Variants in NFIA observed in about 807,000 individuals in gnomAD.
NFIA encodes the protein nuclear factor 1 A-type.
A neutral mutation model predicts 62.8 loss-of-function variants in NFIA; 8 were observed. The observed-to-expected ratio is 0.13, with a 90% confidence interval of 0.07 to 0.23. The LOEUF (loss-of-function observed/expected upper bound fraction) is 0.23. NFIA is among the 10% of genes least tolerant of loss of function. NFIA has a pLI of 1.00. For missense variants in NFIA, 410 were observed against 642.1 expected, an observed-to-expected ratio of 0.64 and a Z score of 3.91; for synonymous variants, 235 against 238.1, an observed-to-expected ratio of 0.99 and a Z score of 0.12.
At chr1:61,282,696 C>A (rs1422301865) in intron 3 of NFIA, among the ~76,000 whole-genome samples, 4 of 152,154 alleles carry the variant, frequency 2.6e-5, no homozygotes, top group Non-Finnish European at 1.5e-5. Flanking sequence ...TCCGTGAAAG[C>A]ATCCTTAACT....
At chr1:61,418,562 C>T (rs1038997218) in intron 9 of NFIA, among the ~76,000 whole-genome samples, 1 of 152,078 alleles carries the variant, frequency 6.6e-6, no homozygotes, top group South Asian at 2.1e-4. Context: ...CATAATTGAT[C>T]ATGATATATG....
chr1:61,087,118 A>T (rs927235865), intron 1 of NFIA, among the ~76,000 whole-genome samples: 1 of 152,116 alleles, frequency 6.6e-6, no homozygotes, highest in Non-Finnish European at 1.5e-5. Flanking sequence ...ATGTATAAGG[A>T]TCAAACATTT....
chr1:61,218,439 G>A (rs190837010), intron 2 of NFIA, among the ~76,000 whole-genome samples: 111 of 152,254 alleles, frequency 7.3e-4, no homozygotes, highest in African/African-American at 2.6e-3. Flanking sequence ...TAAAATCCAC[G>A]GATGCTCAAG....
At chr1:61,111,580 G>T (rs560861086) in intron 2 of NFIA, among the ~76,000 whole-genome samples, 2 of 152,068 alleles carry the variant, frequency 1.3e-5, no homozygotes, top group Non-Finnish European at 2.9e-5. Context: ...GGAGATTGTT[G>T]TGCATTCTAT....
chr1:61,136,989 T>A (rs1193609653), intron 2 of NFIA, among the ~76,000 whole-genome samples: 1 of 152,198 alleles, frequency 6.6e-6, no homozygotes, highest in African/African-American at 2.4e-5. Flanking sequence ...TACCCCATAT[T>A]TAGAAGGAAC....
At chr1:61,421,514 C>T (rs905849457) in intron 9 of NFIA, among the ~76,000 whole-genome samples, 5 of 152,190 alleles carry the variant, frequency 3.3e-5, no homozygotes, top group Non-Finnish European at 5.9e-5. Context: ...AACTTCATGT[C>T]GGTTTGTAGG....
At chr1:61,418,258 G>A (rs1278303177) in intron 9 of NFIA, among the ~76,000 whole-genome samples, 1 of 152,122 alleles carries the variant, frequency 6.6e-6, no homozygotes, top group Non-Finnish European at 1.5e-5. Context: ...GAGCCCAGGA[G>A]TTCAAGACCA....
chr1:61,299,286 T>A (rs1659365272), intron 3 of NFIA, among the ~76,000 whole-genome samples: 1 of 152,192 alleles, frequency 6.6e-6, no homozygotes. Flanking sequence ...AATTTTACCT[T>A]CCTTTTCAAT....
chr1:61,393,497 G>A (rs896105730), intron 7 of NFIA, among the ~76,000 whole-genome samples: 9 of 151,488 alleles, frequency 5.9e-5, no homozygotes, highest in African/African-American at 2.2e-4. Flanking sequence ...ACAGATTTAG[G>A]GAAGGGCCTA....
chr1:61,253,932 A>T (rs1021036694), intron 2 of NFIA, among the ~76,000 whole-genome samples: 1 of 152,120 alleles, frequency 6.6e-6, no homozygotes, highest in East Asian at 1.9e-4. Context: ...AAGTATAGGC[A>T]TTATTATTTT....
chr1:61,258,734 T>C (rs1656576250), intron 2 of NFIA, among the ~76,000 whole-genome samples: 1 of 152,130 alleles, frequency 6.6e-6, no homozygotes, highest in Non-Finnish European at 1.5e-5. Flanking sequence ...TGTGGTTTTT[T>C]TTTTATTTTT....
At chr1:61,392,285 C>T (rs530404719) in intron 7 of NFIA, among the ~76,000 whole-genome samples, 6 of 151,650 alleles carry the variant, frequency 4.0e-5, no homozygotes, top group Non-Finnish European at 7.4e-5. Flanking sequence ...TAGCCAGATA[C>T]TTAGAACCAG....
rs1255185642 is a variant in NFIA at position 61,082,686 on chromosome 1, C to G, written c.-106C>G. The G allele has an allele frequency of 1.3e-6, 2 of 1,539,894 alleles. No homozygotes were observed. Among genetic ancestry groups the G allele is most frequent in the African/African-American group, 1.4e-5 (1 of 72,416 alleles). On this transcript the variant is annotated 5_prime_UTR_variant, in exon 1 of 11. Transcript: ENST00000403491. Reference sequence around the variant, plus strand: ...TTTCTCCCCCCTTCTCTCTCTCTCTCTCTCTCTCTCTTCCTCTCTCCCTCT... The same window carrying G: ...TTTCTCCCCCCTTCTCTCTCTCTCTGTCTCTCTCTCTTCCTCTCTCCCTCT...
chr1:61,371,717 A>G (rs1319105037), intron 6 of NFIA, among the ~76,000 whole-genome samples: 1 of 152,184 alleles, frequency 6.6e-6, no homozygotes, highest in Non-Finnish European at 1.5e-5. Context: ...CCCAAGGGTC[A>G]GGTTGGTGGC....
chr1:61,291,445 A>AT (rs1658875807), intron 3 of NFIA, among the ~76,000 whole-genome samples: 2 of 152,292 alleles, frequency 1.3e-5, no homozygotes, highest in Non-Finnish European at 1.5e-5. Flanking sequence ...ATCTCTGTGG[A>AT]TTTTTTTCTG....
At chr1:61,077,388 G>A (rs191682182), upstream of NFIA, 19 of 392,918 alleles carry the variant, frequency 4.8e-5, no homozygotes, top group Admixed American at 2.1e-4. Flanking sequence ...GCGAGAGCGA[G>A]ACAGTGAGAG....
At chr1:61,258,828 A>C (rs540859427) in intron 2 of NFIA, among the ~76,000 whole-genome samples, 1 of 152,148 alleles carries the variant, frequency 6.6e-6, no homozygotes, top group Admixed American at 6.5e-5. Context: ...CCTGGGCTGA[A>C]GTGATCTTCC....
chr1:61,365,521 A>G (rs1663541176), intron 6 of NFIA, among the ~76,000 whole-genome samples: 1 of 152,200 alleles, frequency 6.6e-6, no homozygotes. Context: ...AAGAAAAACA[A>G]TTCTCTTGTC....
intron 7 of NFIA, among the ~76,000 whole-genome samples, chr1:61,396,130 C>T (rs932636914): frequency 4.6e-5 from 7 of 152,112 alleles, no homozygotes; most frequent in South Asian, 2.1e-4. Flanking sequence ...TTATAATATG[C>T]CAGGTAGTGG....
Sources: allele counts gnomAD v4.1 joint callset (sites outside exome capture counted in the v4.1 genomes callset), GRCh38; gene constraint gnomAD v4.1.1; transcripts MANE v1.5; gene names NCBI Gene and HGNC (gene_info 2026-07-23, HGNC 2026-07-21).